Variants in NOTCH2 observed in about 807,000 individuals in gnomAD.
NOTCH2 encodes notch receptor 2, also known as neurogenic locus notch homolog protein 2.
Under a neutral mutation model 235.8 loss-of-function variants are expected in NOTCH2, and 29 were observed. That is an observed-to-expected ratio of 0.12 (90% CI 0.09 to 0.17). NOTCH2 has a LOEUF of 0.17. Ranked by LOEUF, NOTCH2 falls within the 10% of genes least tolerant of loss-of-function variation. The pLI, the probability that NOTCH2 is intolerant of heterozygous loss-of-function variation, is 1.00. For missense variants in NOTCH2, 2,285 were observed against 3,150.2 expected, an observed-to-expected ratio of 0.73 and a Z score of 6.57; for synonymous variants, 1,086 against 1,141.5, an observed-to-expected ratio of 0.95 and a Z score of 0.98.
chr1:120,014,270 C>A (rs1267391066), intron 2 of NOTCH2, among the ~76,000 whole-genome samples: 1 of 151,758 alleles, frequency 6.6e-6, no homozygotes, highest in Non-Finnish European at 1.5e-5. Flanking sequence ...ATGACTTTTT[C>A]TTTAAAAGTC....
Position 119,911,591 on chromosome 1 carries a change from TATGA to T in NOTCH2, c.*3711_*3714del, listed in dbSNP as rs1648899255. 1 of 231,202 alleles carries T rather than the reference TATGA, an allele frequency of 4.3e-6. No individual in the cohort carries two copies. Among genetic ancestry groups the T allele is most frequent in the Non-Finnish European group, 8.5e-6 (1 of 116,966 alleles). 14.3% of individuals were successfully genotyped at this position (231,202 alleles called of 1,614,324 possible). On this transcript the variant is annotated 3_prime_UTR_variant, in exon 34 of 34. Coordinates refer to ENST00000256646, the MANE Select transcript of NOTCH2 (RefSeq NM_024408.4). ...ATCTCACTGACTTTATAAATAAATG[TATGA>T]ATGTGAACTTATAACAAATTTATAC... is the stretch of plus-strand genomic sequence containing the variant.
intron 10 of NOTCH2, among the ~76,000 whole-genome samples, chr1:119,964,634 G>T (rs1439591217): frequency 6.6e-6 from 1 of 152,060 alleles, no homozygotes; most frequent in Non-Finnish European, 1.5e-5. Flanking sequence ...AATTAAATTT[G>T]CTTTTCTGTG....
chr1:119,914,621 C>G lies in NOTCH2; in HGVS notation c.*685G>C, dbSNP rs1649001109. Reference sequence around the variant, plus strand: ...ATGATATATGCAGGAGAACACAATACAGTATGTCCATTTTCCAAAGAAACA... The same window carrying G: ...ATGATATATGCAGGAGAACACAATAGAGTATGTCCATTTTCCAAAGAAACA... On this transcript the variant is annotated 3_prime_UTR_variant, in exon 34 of 34. Coordinates refer to ENST00000256646, the MANE Select transcript of NOTCH2 (RefSeq NM_024408.4). 4.2e-6 allele frequency: 1 copy of G among 238,996 alleles called. No individual in the cohort carries two copies. The highest frequency in any genetic ancestry group is 6.0e-5 in the East Asian group (1 of 16,732). 14.8% of individuals were successfully genotyped at this position (238,996 alleles called of 1,614,324 possible).
rs1553199299 is a variant in NOTCH2, at chr1:119,963,666, A to G, written c.1823T>C (p.Ile608Thr). Residue 608 changes from isoleucine (I) to threonine (T), a missense_variant, in exon 11 of 34, where the codon ATT (isoleucine) becomes ACT (threonine). By Grantham distance (89) the Ile-to-Thr change is moderately conservative (BLOSUM62 -1). Transcript: ENST00000256646. Reference sequence around the variant, plus strand: ...GCAAGGGCTGCTGTAACATTCATCAATCTGGTCACTGCAGATGGCGCCCAT... The same window carrying G: ...GCAAGGGCTGCTGTAACATTCATCAGTCTGGTCACTGCAGATGGCGCCCAT... The part of the protein sequence containing the change: ...GYMGAICSDQ[I>T]DECYSSPCLN... 5.0e-6 allele frequency: 8 copies of G among 1,614,132 alleles called. No homozygotes were observed. The highest frequency in any genetic ancestry group is 2.2e-5 in the South Asian group (2 of 91,088).
intron 14 of NOTCH2, among the ~76,000 whole-genome samples, chr1:119,951,984 TAC>T (rs1296074671): frequency 6.6e-6 from 1 of 152,230 alleles, no homozygotes; most frequent in Non-Finnish European, 1.5e-5. Context: ...ATGGCTGAAA[TAC>T]AGTCTCAGAA....
chr1:119,915,771 T>C lies in NOTCH2; in HGVS notation c.6951A>G (p.Gln2317=). 6.2e-7 allele frequency: 1 copy of C among 1,608,910 alleles called. No homozygotes were observed. The highest frequency in any genetic ancestry group is 8.5e-7 in the Non-Finnish European group (1 of 1,176,182). Residue 2317 remains glutamine, a synonymous_variant, in exon 34 of 34, where the codon CAA becomes CAG. Coordinates refer to ENST00000256646, the MANE Select transcript of NOTCH2 (RefSeq NM_024408.4). ...ACTGAGGCTGGGGAGCCCCCGCTGG[T>C]TGGGCAATACTGCCTTTAGGGATGA... ...FQLIPKGSIA[Q]PAGAPQPQST...
intron 3 of NOTCH2, 163 bp downstream of exon 3, chr1:120,005,166 G>T (rs1652917225): frequency 1.2e-6 from 1 of 864,172 alleles, no homozygotes; most frequent in East Asian, 2.5e-5. Flanking sequence ...CTCTTAAAAG[G>T]AAGTTAGGGA....
At chr1:119,970,182 C>T (rs926239177) in intron 5 of NOTCH2, among the ~76,000 whole-genome samples, 11 of 152,136 alleles carry the variant, frequency 7.2e-5, no homozygotes, top group African/African-American at 2.2e-4. Flanking sequence ...CGTCAATACA[C>T]TGGTTGTAAT....
At chr1:119,925,187 C>T (rs1649431905) in intron 25 of NOTCH2, 118 bp downstream of exon 25, 2 of 1,280,242 alleles carry the variant, frequency 1.6e-6, no homozygotes, top group African/African-American at 1.5e-5. Flanking sequence ...AAGGCTGGCA[C>T]CATCTGAAAA....
intron 32 of NOTCH2, 72 bp from the exon 33 acceptor site, chr1:119,917,834 G>A (rs1649140250): frequency 1.0e-6 from 1 of 985,592 alleles, no homozygotes; most frequent in Non-Finnish European, 1.6e-6. Context: ...CTTGCACAAT[G>A]AAATCTTAAA....
chr1:119,950,766 C>T lies in NOTCH2; in HGVS notation c.2437G>A (p.Asp813Asn), dbSNP rs2101118394. 1 of 1,614,146 alleles carries T rather than the reference C, an allele frequency of 6.2e-7. No individual in the cohort carries two copies. The highest frequency in any genetic ancestry group is 2.2e-5 in the East Asian group (1 of 44,886). ...PCLNQGTCFD[D>N]ISGYTCHCVL... ...CAGTGGCAAGTGTAGCCACTTATGT[C>T]ATCAAAGCAGGTTCCTTGGTTCAGG... The change falls in exon 15 of 34, where the codon GAC becomes AAC. Residue 813 changes from aspartate to asparagine, a missense_variant. Asp to Asn is a conservative substitution (Grantham distance 23). This residue lies in a region of NOTCH2 where 1,173 missense variants were observed against 1,515.3 expected (regional missense o/e 0.77). Transcript: ENST00000256646.
intron 2 of NOTCH2, among the ~76,000 whole-genome samples, chr1:120,010,807 T>C (rs1196334360): frequency 1.3e-5 from 2 of 152,168 alleles, no homozygotes; most frequent in African/African-American, 2.4e-5. Context: ...TGAAAACATA[T>C]GCCCAGATAA....
intron 33 of NOTCH2, among the ~76,000 whole-genome samples, chr1:119,917,408 GAAGAGAAAGAGTTACACC>G (rs1376079625): frequency 2.0e-5 from 3 of 152,218 alleles, no homozygotes; most frequent in Non-Finnish European, 4.4e-5. Flanking sequence ...AAATGTCAGG[GAAGAGAAAGAGTTACACC>G]AAGCTATCTA....
chr1:120,002,614 G>C lies in NOTCH2; in HGVS notation c.415+2715C>G, dbSNP rs12140528. On this transcript the variant is annotated intron_variant, in intron 3 of 33. Transcript: ENST00000256646. ...TAGAAGAAGGTAGTCATCAATACCA[G>C]CTACTACCATGTGACCAGCTGCAGA... Among the ~76,000 whole-genome samples the C allele has an allele frequency of 5.1e-5, 7 of 137,216 alleles. No homozygotes were observed. The South Asian group carries it at 1.0e-3, about 20-fold the overall frequency. 90.0% of individuals were successfully genotyped at this position (137,216 alleles called of 152,430 possible).
chr1:120,002,447 A>C (rs1652797536), intron 3 of NOTCH2, among the ~76,000 whole-genome samples: 3 of 152,028 alleles, frequency 2.0e-5, no homozygotes, highest in African/African-American at 7.2e-5. Context: ...ATTAAGGTCA[A>C]TGGGCAACTA....
rs745926544 is a variant in NOTCH2 at position 119,925,310 on chromosome 1, T to G, written c.4506A>C (p.Thr1502=). Residue 1502 remains threonine, a synonymous_variant, in exon 25 of 34, where the codon ACA becomes ACC. Transcript: ENST00000256646. ...DNFECQGNSK[T]CKYDKYCADH... is the part of the protein sequence containing the mutation. ...GGAAAACGTGAAGCCCTTACTTGCA[T>G]GTCTTGCTGTTCCCCTGGCATTCAA... 32 of 1,613,766 alleles carry G rather than the reference T, an allele frequency of 2.0e-5. No homozygotes were observed. The highest frequency in any genetic ancestry group is 2.7e-5 in the Non-Finnish European group (32 of 1,180,042).
intron 11 of NOTCH2, among the ~76,000 whole-genome samples, chr1:119,960,858 G>C (rs1650909646): frequency 6.6e-6 from 1 of 152,110 alleles, no homozygotes; most frequent in Admixed American, 6.6e-5. Context: ...TAGGGACGAG[G>C]TTTTGCTATG....
At chr1:119,926,740 G>A (rs891901600) in intron 23 of NOTCH2, 129 bp from the exon 24 acceptor site, 4 of 738,430 alleles carry the variant, frequency 5.4e-6, no homozygotes, top group Middle Eastern at 2.3e-4. Flanking sequence ...TTCTAGGCCT[G>A]TGGTAATCTG....
intron 23 of NOTCH2, 152 bp from the exon 24 acceptor site, chr1:119,926,763 A>G (rs1649489581): frequency 2.9e-6 from 2 of 690,310 alleles, no homozygotes; most frequent in Non-Finnish European, 5.2e-6. Flanking sequence ...CATAGAAAGA[A>G]AACACTCACT....
Sources: allele counts gnomAD v4.1 joint callset (sites outside exome capture counted in the v4.1 genomes callset), GRCh38; gene constraint gnomAD v4.1.1; regional missense constraint gnomAD v4.1.1; transcripts MANE v1.5; gene names NCBI Gene and HGNC (gene_info 2026-07-23, HGNC 2026-07-21).